The following FRMD4B variants were observed in gnomAD, a reference collection of about 807,000 sequenced individuals.
The protein encoded by FRMD4B is FERM domain-containing protein 4B.
FRMD4B carries 74 observed loss-of-function variants against 141.5 expected under a neutral mutation model. That is an observed-to-expected ratio of 0.52 (90% CI 0.43 to 0.63). The LOEUF (loss-of-function observed/expected upper bound fraction) is 0.63. Among genes scored for constraint, FRMD4B ranks in the 30% least tolerant of loss-of-function variants. FRMD4B has a pLI of 0.00. For missense variants in FRMD4B, 1,366 were observed against 1,253.4 expected (o/e 1.09, Z -1.36); for synonymous variants, 506 against 467.9 (o/e 1.08, Z -1.05).
At chr3:69,449,650 C>A (rs757822508) in intron 1 of FRMD4B, among the ~76,000 whole-genome samples, 1 of 152,126 alleles carries the variant, frequency 6.6e-6, no homozygotes, top group Non-Finnish European at 1.5e-5. Context: ...AGACAACCAG[C>A]TAAAAAGACT....
chr3:69,537,494 A>T (rs1701106317), intron 1 of FRMD4B, among the ~76,000 whole-genome samples: 1 of 152,220 alleles, frequency 6.6e-6, no homozygotes. Context: ...AAATTGATTC[A>T]AATAAATGTC....
At chr3:69,242,895 G>A (rs1166435036) in intron 7 of FRMD4B, among the ~76,000 whole-genome samples, 1 of 150,524 alleles carries the variant, frequency 6.6e-6, no homozygotes, top group Admixed American at 6.7e-5. Flanking sequence ...TCGGGAGGCT[G>A]AGGCAGGAGA....
chr3:69,208,029 G>A (rs1173358195), intron 11 of FRMD4B, among the ~76,000 whole-genome samples: 10 of 151,376 alleles, frequency 6.6e-5, no homozygotes, highest in Admixed American at 3.9e-4. Flanking sequence ...ATGGGCACCC[G>A]CCACCATGTC....
At chr3:69,421,414 C>T (rs1307213554) in intron 2 of FRMD4B, among the ~76,000 whole-genome samples, 1 of 152,186 alleles carries the variant, frequency 6.6e-6, no homozygotes, top group African/African-American at 2.4e-5. Context: ...AGGCTGGGTA[C>T]AGGATGACAG....
At chr3:69,513,100 T>C (rs1397055985) in intron 1 of FRMD4B, among the ~76,000 whole-genome samples, 4 of 151,438 alleles carry the variant, frequency 2.6e-5, no homozygotes, top group Admixed American at 2.6e-4. Flanking sequence ...GTAGAAAATT[T>C]ATAGAAAAAG....
chr3:69,281,425 T>C (rs2093643828), intron 5 of FRMD4B, among the ~76,000 whole-genome samples: 6 of 152,228 alleles, frequency 3.9e-5, no homozygotes, highest in African/African-American at 1.4e-4. Flanking sequence ...CATTTTTGCT[T>C]CTTGCTTGAC....
intron 1 of FRMD4B, among the ~76,000 whole-genome samples, chr3:69,325,063 T>C (rs1702137362): frequency 1.8e-5 from 1 of 55,194 alleles, no homozygotes; most frequent in Non-Finnish European, 3.5e-5. Context: ...TGGGCAACAG[T>C]GAGATACTGT....
intron 1 of FRMD4B, among the ~76,000 whole-genome samples, chr3:69,317,248 T>A (rs1011371289): frequency 2.0e-5 from 3 of 152,190 alleles, no homozygotes; most frequent in Non-Finnish European, 2.9e-5. Context: ...GTGGCTAGGT[T>A]TTACTTGGTC....
At chr3:69,265,272 ATATATATATATATATATATATAT>A (rs2093555066) in intron 5 of FRMD4B, among the ~76,000 whole-genome samples, 2 of 16,194 alleles carry the variant, frequency 1.2e-4, no homozygotes, top group Admixed American at 9.6e-4. Context: ...AAAAAAAAAT[ATATATATATATATATATATATAT>A]ATATATATAT....
At chr3:69,261,922 T>C (rs958871845) in intron 5 of FRMD4B, among the ~76,000 whole-genome samples, 1 of 151,334 alleles carries the variant, frequency 6.6e-6, no homozygotes, top group Non-Finnish European at 1.5e-5. Context: ...CAGCCCTCCT[T>C]GGCCTCCCAA....
At chr3:69,323,606 GTGTA>G (rs1303685255) in intron 1 of FRMD4B, among the ~76,000 whole-genome samples, 4 of 72,634 alleles carry the variant, frequency 5.5e-5, no homozygotes, top group South Asian at 1.0e-3. Context: ...CTCTCTCTCT[GTGTA>G]TATATATATA....
chr3:69,353,548 G>A (rs1350842122), intron 1 of FRMD4B: 2 of 983,420 alleles, frequency 2.0e-6, no homozygotes, highest in Non-Finnish European at 2.4e-6. Flanking sequence ...TCTTACCTCC[G>A]AACCACCATG....
chr3:69,183,895 A>G (rs1193584217), intron 19 of FRMD4B, among the ~76,000 whole-genome samples: 2 of 151,996 alleles, frequency 1.3e-5, no homozygotes, highest in East Asian at 1.9e-4. Flanking sequence ...AAAAATTTAA[A>G]TGTCTATAAT....
In FRMD4B at chr3:69,213,661, A is replaced by ATTT. The variant is rs11322872; in HGVS notation, c.876+2599_876+2601dup. On this transcript the variant is annotated intron_variant, in intron 11 of 22. Transcript: ENST00000398540. ...GAATGATGCGCTGTTGTTTTCATTG[A>ATTT]TTTTTTTTTTTTTTTTTCTGACACA... 5.3e-4 allele frequency among the ~76,000 whole-genome samples: 70 copies of ATTT among 132,414 alleles called. 2 individuals are homozygous for ATTT. The highest frequency in any genetic ancestry group is 2.9e-3 in the South Asian group (12 of 4,138). The allele number at this position is 132,414 out of a possible 152,430, so 86.9% of individuals were successfully genotyped here.
chr3:69,262,319 C>T (rs757559095), intron 5 of FRMD4B, among the ~76,000 whole-genome samples: 2 of 152,058 alleles, frequency 1.3e-5, no homozygotes, highest in Non-Finnish European at 2.9e-5. Flanking sequence ...GCATAACATA[C>T]ATATACACTA....
At position 69,428,147 on chromosome 3, in the gene FRMD4B, G is replaced by A. The variant is rs1196167375; in HGVS notation, c.-1+4487C>T. Among the ~76,000 whole-genome samples, 3 of 151,958 alleles carry A rather than the reference G, an allele frequency of 2.0e-5. No homozygotes were observed. The East Asian group carries it at 6.0e-4, about 30-fold the overall frequency. On this transcript the variant is annotated intron_variant, in intron 2 of 5. Coordinates refer to the FRMD4B transcript ENST00000459638. ...GTTTATAGATGACTCTTCTAATACAGAAGCTCTTCAGAGCTGGGAGTTGGT... is the reference window on the plus strand; with the variant it reads ...GTTTATAGATGACTCTTCTAATACAAAAGCTCTTCAGAGCTGGGAGTTGGT...
chr3:69,264,010 AC>A, intron 5 of FRMD4B, among the ~76,000 whole-genome samples: 1 of 151,120 alleles, frequency 6.6e-6, no homozygotes, highest in South Asian at 2.1e-4. Context: ...ATTTTTAGAG[AC>A]TGGGTTTTGC....
chr3:69,189,909 G>T lies in FRMD4B; in HGVS notation c.1758C>A (p.Thr586=). 6.3e-7 allele frequency: 1 copy of T among 1,594,438 alleles called. No individual in the cohort carries two copies. The highest frequency in any genetic ancestry group is 1.3e-5 in the African/African-American group (1 of 74,656). The part of the protein sequence containing the change: ...PSESSSLSDT[T]TYDDPSDAFT... ...AGAGCCACTTACGATCATCATAGGT[G>T]GTGGTGTCAGACAAAGAGCTACTCT... Residue 586 remains threonine (T), a synonymous_variant, in exon 18 of 23, where the codon ACC becomes ACA. Transcript: ENST00000398540.
At position 69,267,675 on chromosome 3, in the gene FRMD4B, AGAGAGAGAGAGAGAGT is replaced by A. The variant is rs1297817423; in HGVS notation, c.502-17592_502-17577del. Among the ~76,000 whole-genome samples, 168 of 70,676 alleles carry A rather than the reference AGAGAGAGAGAGAGAGT, an allele frequency of 2.4e-3. 2 individuals carry two copies. Among genetic ancestry groups the A allele is most frequent in the African/African-American group, 6.0e-3 (129 of 21,578 alleles). 46.4% of individuals were successfully genotyped at this position (70,676 alleles called of 152,430 possible). On this transcript the variant is annotated intron_variant, in intron 5 of 22. Transcript: ENST00000398540. The stretch of plus-strand genomic sequence containing the variant: ...GAGAGAGAGAGAGAGAGAGAGAGAG[AGAGAGAGAGAGAGAGT>A]GTCTGTCTGTCCCCCCAGTCTATCT...
Sources: allele counts gnomAD v4.1 joint callset (sites outside exome capture counted in the v4.1 genomes callset), GRCh38; gene constraint gnomAD v4.1.1; transcripts MANE v1.5; gene names NCBI Gene and HGNC (gene_info 2026-07-23, HGNC 2026-07-21).